DNAAF8: variants seen among roughly 807,000 people sequenced by gnomAD.
DNAAF8 encodes the protein dynein axonemal assembly factor 8.
Under a neutral mutation model 54.6 loss-of-function variants are expected in DNAAF8, and 61 were observed. The observed-to-expected ratio is 1.12, with a 90% CI of 0.91 to 1.38. DNAAF8 has a LOEUF of 1.38. Ranked by LOEUF, DNAAF8 falls within the 40% of genes most tolerant of loss-of-function variation. The pLI, the probability that DNAAF8 is intolerant of heterozygous loss-of-function variation, is 0.00. For synonymous variants in DNAAF8, 320 were observed against 270.1 expected (o/e 1.18, Z -1.81); for missense variants, 837 against 665.0 (o/e 1.26, Z -2.85).
At chr16:4,744,683 C>T (rs537277378) in intron 5 of DNAAF8, among the ~76,000 whole-genome samples, 187 bp from the exon 6 acceptor site, 1 of 152,322 alleles carries the variant, frequency 6.6e-6, no homozygotes, top group African/African-American at 2.4e-5. Flanking sequence ...ATTCTGCCCC[C>T]CTCAGCCCTG....
At chr16:4,737,710 T>G (rs1478238171) in intron 2 of DNAAF8, 90 bp from the exon 3 acceptor site, 4 of 1,487,350 alleles carry the variant, frequency 2.7e-6, no homozygotes, top group Non-Finnish European at 2.8e-6. Flanking sequence ...GGGCTGGAAG[T>G]GAGAGTGGAG....
rs758896042 is a variant in DNAAF8 at position 4,747,614 on chromosome 16, G to A, written c.1552G>A (p.Glu518Lys). 6.2e-7 allele frequency: 1 copy of A among 1,607,332 alleles called. No homozygotes were observed. The highest frequency in any genetic ancestry group is 1.1e-5 in the South Asian group (1 of 90,690). ...AAREALMPPL[E>K]QL is the part of the protein sequence containing the mutation. ...CAGGGAGGCCCTGATGCCTCCTCTG[G>A]AGCAACTATAGCTGCCTCAGGTAGT... is the stretch of plus-strand genomic sequence containing the variant. Residue 518 changes from glutamate to lysine, a missense_variant, in exon 9 of 10, where the codon GAG (glutamate) becomes AAG (lysine). Physicochemically the swap from Glu to Lys is moderately conservative, Grantham distance 56 (BLOSUM62 1). Coordinates refer to ENST00000299320, the MANE Select transcript of DNAAF8 (RefSeq NM_139170.3).
At chr16:4,743,566 G>T in intron 5 of DNAAF8, 1 of 160,080 alleles carries the variant, frequency 6.2e-6, no homozygotes, top group Non-Finnish European at 1.4e-5. Context: ...ATTTAAAAAG[G>T]GAGGCAAAGG....
chr16:4,740,810 A>T lies in DNAAF8; in HGVS notation c.783+151A>T, dbSNP rs980717287. The T allele has an allele frequency of 1.2e-5, 13 of 1,041,004 alleles. No individual in the cohort carries two copies. In the African/African-American group the frequency reaches 2.1e-4, roughly 17 times the overall value. 64.5% of individuals were successfully genotyped at this position (1,041,004 alleles called of 1,614,324 possible). ...CCATTCTGTGTACCTGTCTCAGTAGAGGGGTGGAGGGTCCCAGCAGAGCAC... is the reference window on the plus strand; with the variant it reads ...CCATTCTGTGTACCTGTCTCAGTAGTGGGGTGGAGGGTCCCAGCAGAGCAC... On this transcript the variant is annotated intron_variant, in intron 4 of 9. Coordinates refer to ENST00000299320, the MANE Select transcript of DNAAF8 (RefSeq NM_139170.3).
In DNAAF8 at chr16:4,747,518, C is replaced by T. The variant is rs192580420; in HGVS notation, c.1456C>T (p.Gln486Ter). 27 of 1,613,058 alleles carry T rather than the reference C, an allele frequency of 1.7e-5. No homozygotes were observed. The highest frequency in any genetic ancestry group is 1.7e-4 in the Middle Eastern group (1 of 6,040). Residue 486 changes from glutamine (Q) to a stop codon, truncating the protein, a stop_gained, in exon 9 of 10, where the codon CAG becomes TAG. Transcript: ENST00000299320. LOFTEE classifies it high-confidence loss of function. ...KQHMKLCAKG[Q>*]SAQARLPRGR... Reference sequence around the variant, plus strand: ...ACACATGAAGCTCTGTGCCAAGGGGCAGAGCGCCCAGGCTCGACTCCCAAG... The same window carrying T: ...ACACATGAAGCTCTGTGCCAAGGGGTAGAGCGCCCAGGCTCGACTCCCAAG...
At chr16:4,735,468 G>A (rs993397838) in intron 1 of DNAAF8, among the ~76,000 whole-genome samples, 1 of 152,054 alleles carries the variant, frequency 6.6e-6, no homozygotes, top group Non-Finnish European at 1.5e-5. Context: ...ACTGACTGCA[G>A]GGCCAAAGCC....
intron 7 of DNAAF8, 181 bp downstream of exon 7, chr16:4,746,693 G>A (rs934795516): frequency 5.5e-6 from 5 of 912,858 alleles, no homozygotes; most frequent in African/African-American, 1.7e-5. Flanking sequence ...GGGAAGAGGG[G>A]CATGAGGCAC....
chr16:4,744,913 G>C lies in DNAAF8; in HGVS notation c.945G>C (p.Leu315=), dbSNP rs1227654785. 2 of 1,613,840 alleles carry C rather than the reference G, an allele frequency of 1.2e-6. No homozygotes were observed. The highest frequency in any genetic ancestry group is 2.2e-5 in the South Asian group (2 of 91,086). The change falls in exon 6 of 10, where the codon CTG becomes CTC. Residue 315 remains leucine, a synonymous_variant. Transcript: ENST00000299320. ...CCCACAACAGGCTCATGGAACAGCTGGCCCTCCTGTGCACCACGCAGTCCA... is the reference window on the plus strand; with the variant it reads ...CCCACAACAGGCTCATGGAACAGCTCGCCCTCCTGTGCACCACGCAGTCCA... ...PSAHNRLMEQ[L]ALLCTTQSKA...
chr16:4,743,284 T>C (rs2081975585), intron 5 of DNAAF8, 124 bp downstream of exon 5: 1 of 657,390 alleles, frequency 1.5e-6, no homozygotes, highest in Non-Finnish European at 2.5e-6. Context: ...TCTTCCCTGC[T>C]GGCCCCGCCC....
rs766096540 is a variant in DNAAF8 at position 4,747,579 on chromosome 16, CA to C, written c.1518del (p.Ala508GlnfsTer6). On this transcript the variant is annotated frameshift_variant, in exon 9 of 10. Transcript: ENST00000299320. LOFTEE classifies it high-confidence loss of function. ...AGAGCCCTGGGGGATGTTCCTGAGCCAGGGGCAGCCAGGGAGGCCCTGATGC... is the reference window on the plus strand; with the variant it reads ...AGAGCCCTGGGGGATGTTCCTGAGCCGGGGCAGCCAGGGAGGCCCTGATGC... ...RPRALGDVPE[P>X]GAAREALMPP... 6.2e-7 allele frequency: 1 copy of C among 1,610,684 alleles called. No homozygotes were observed. The highest frequency in any genetic ancestry group is 1.1e-5 in the South Asian group (1 of 90,902).
rs1469243355 is a variant in DNAAF8, at chr16:4,734,585, G to A, written c.-165G>A. Reference sequence around the variant, plus strand: ...TGAGAGGGAGAGTGCTGAAGAAGGGGACAGCCTCTGTACCTGCGGCGCGGC... The same window carrying A: ...TGAGAGGGAGAGTGCTGAAGAAGGGAACAGCCTCTGTACCTGCGGCGCGGC... On this transcript the variant is annotated 5_prime_UTR_variant, in exon 1 of 10. Transcript: ENST00000299320. 1.3e-5 allele frequency: 2 copies of A among 152,362 alleles called. No homozygotes were observed. The highest frequency in any genetic ancestry group is 2.9e-5 in the Non-Finnish European group (2 of 68,158). 9.4% of individuals were successfully genotyped at this position (152,362 alleles called of 1,614,324 possible). A position where few individuals can be genotyped will look rare whatever the true frequency, so the allele number is the denominator to read the frequency against.
At position 4,748,910 on chromosome 16, in the gene DNAAF8, C is replaced by A. The variant is rs1411105100; in HGVS notation, c.*195C>A. 6.6e-6 allele frequency: 1 copy of A among 152,328 alleles called. No individual in the cohort carries two copies. Among genetic ancestry groups the A allele is most frequent in the Non-Finnish European group, 1.5e-5 (1 of 68,102 alleles). The allele number at this position is 152,328 out of a possible 1,614,324, so 9.4% of individuals were successfully genotyped here. A position where few individuals can be genotyped will look rare whatever the true frequency, so the allele number is the denominator to read the frequency against. ...TGGGCAGGGGTCTCTTCTCATCAAGCCTTGTACCAGGCAAAAGACAGGCCC... is the reference window on the plus strand; with the variant it reads ...TGGGCAGGGGTCTCTTCTCATCAAGACTTGTACCAGGCAAAAGACAGGCCC... On this transcript the variant is annotated 3_prime_UTR_variant, in exon 10 of 10. Coordinates refer to ENST00000299320, the MANE Select transcript of DNAAF8 (RefSeq NM_139170.3).
chr16:4,736,674 G>C (rs1452552440), intron 2 of DNAAF8, 31 bp downstream of exon 2: 5 of 1,524,338 alleles, frequency 3.3e-6, no homozygotes, highest in Non-Finnish European at 4.4e-6. Flanking sequence ...TGGATGCCTT[G>C]TCCTTCCTAC....
At chr16:4,746,730 T>G in intron 7 of DNAAF8, 197 bp from the exon 8 acceptor site, 1 of 770,036 alleles carries the variant, frequency 1.3e-6, no homozygotes, top group Non-Finnish European at 2.0e-6. Context: ...CTCTATGCAA[T>G]AGAGCCCAAC....
Position 4,746,726 on chromosome 16 carries a change from G to A in DNAAF8, c.1182-201G>A, listed in dbSNP as rs576304019. ...CACACCTCCTCGGGCTGGGCTCTAT[G>A]CAATAGAGCCCAACACGTCTAGGCT... On this transcript the variant is annotated intron_variant, in intron 7 of 9. Coordinates refer to ENST00000299320, the MANE Select transcript of DNAAF8 (RefSeq NM_139170.3). The A allele has an allele frequency of 4.7e-5, 36 of 773,568 alleles. No homozygotes were observed. In the African/African-American group the frequency reaches 5.6e-4, roughly 12 times the overall value. The allele number at this position is 773,568 out of a possible 1,614,324, so 47.9% of individuals were successfully genotyped here. A position where few individuals can be genotyped will look rare whatever the true frequency, so the allele number is the denominator to read the frequency against.
intron 2 of DNAAF8, among the ~76,000 whole-genome samples, chr16:4,737,544 A>G (rs2081912408): frequency 6.6e-6 from 1 of 152,222 alleles, no homozygotes; most frequent in Admixed American, 6.5e-5. Context: ...TTGCAGAACC[A>G]GGAGCCCCAG....
In DNAAF8 at chr16:4,740,269, T is replaced by G. The variant is rs746387711; in HGVS notation, c.393T>G (p.Gly131=). The G allele has an allele frequency of 6.8e-6, 11 of 1,613,726 alleles. No homozygotes were observed. The Middle Eastern group carries it at 4.9e-4, about 72-fold the overall frequency. ...CTGGCAGGCCTTTTGAAAGCTCTGG[T>G]GAGGTCAGCGCTCTTCTTGGGATGG... The part of the protein sequence containing the change: ...RDPGRPFESS[G]EVSALLGMAE... Residue 131 remains glycine (G), a synonymous_variant, in exon 4 of 10, where the codon GGT becomes GGG. Transcript: ENST00000299320.
At chr16:4,748,427 C>T (rs1030334218) in intron 9 of DNAAF8, 2 of 152,122 alleles carry the variant, frequency 1.3e-5, no homozygotes, top group Non-Finnish European at 2.9e-5. Flanking sequence ...TAGAAAGGCA[C>T]ACATAGATTC....
intron 9 of DNAAF8, 119 bp downstream of exon 9, chr16:4,747,753 CAG>C: frequency 4.7e-6 from 6 of 1,265,482 alleles, no homozygotes; most frequent in Non-Finnish European, 6.4e-6. Context: ...CAGGGACCCT[CAG>C]ACTTTGGACT....
Sources: allele counts gnomAD v4.1 joint callset (sites outside exome capture counted in the v4.1 genomes callset), GRCh38; gene constraint gnomAD v4.1.1; transcripts MANE v1.5; gene names NCBI Gene and HGNC (gene_info 2026-07-23, HGNC 2026-07-21).